DNER: variants seen among roughly 807,000 people sequenced by gnomAD.
DNER encodes delta/notch like EGF repeat containing.
A neutral mutation model predicts 78.2 loss-of-function variants in DNER; 33 were observed. The ratio of observed to expected loss-of-function variants is 0.42; its 90% CI spans 0.32 to 0.56. The LOEUF (loss-of-function observed/expected upper bound fraction) is 0.56. Among genes scored for constraint, DNER ranks in the 20% least tolerant of loss-of-function variants. The pLI is 0.11. For synonymous variants in DNER, 417 were observed against 384.8 expected (o/e 1.08, Z -0.98); for missense variants, 918 against 975.3 (o/e 0.94, Z 0.78).
intron 1 of DNER, among the ~76,000 whole-genome samples, chr2:229,618,548 C>T (rs1302727883): frequency 6.6e-6 from 1 of 152,182 alleles, no homozygotes; most frequent in South Asian, 2.1e-4. Flanking sequence ...GCATCAGCCT[C>T]GCAAAGCTGG....
chr2:229,549,912 A>AAATAAT (rs966717321), intron 4 of DNER, among the ~76,000 whole-genome samples: 1 of 151,770 alleles, frequency 6.6e-6, no homozygotes, highest in Non-Finnish European at 1.5e-5. Context: ...CTCTGTCTCA[A>AAATAAT]AATAATAATA....
chr2:229,606,563 T>G (rs1697942211), intron 1 of DNER, among the ~76,000 whole-genome samples: 1 of 152,136 alleles, frequency 6.6e-6, no homozygotes, highest in East Asian at 1.9e-4. Flanking sequence ...CAACATCTCC[T>G]TCATGTGGAC....
chr2:229,546,809 A>G (rs1356247865), intron 5 of DNER, 138 bp downstream of exon 5: 10 of 1,219,062 alleles, frequency 8.2e-6, no homozygotes, highest in Non-Finnish European at 1.0e-5. Context: ...AGATAGACAG[A>G]CAGACAGACA....
At chr2:229,479,174 C>T (rs1695101176) in intron 6 of DNER, among the ~76,000 whole-genome samples, 1 of 152,168 alleles carries the variant, frequency 6.6e-6, no homozygotes, top group South Asian at 2.1e-4. Flanking sequence ...CGTAGTATTC[C>T]ATGGAGAACC....
At chr2:229,393,025 A>G (rs2106338176) in intron 10 of DNER, among the ~76,000 whole-genome samples, 1 of 152,314 alleles carries the variant, frequency 6.6e-6, no homozygotes, top group Non-Finnish European at 1.5e-5. Flanking sequence ...TGTGTTCAAA[A>G]TGTGAAATAA....
At chr2:229,590,255 T>C (rs541425312) in intron 2 of DNER, among the ~76,000 whole-genome samples, 50 of 152,316 alleles carry the variant, frequency 3.3e-4, no homozygotes, top group Non-Finnish European at 4.7e-4. Flanking sequence ...AAAAGACTTT[T>C]GAAGAGCTTG....
chr2:229,504,499 C>T lies in DNER; in HGVS notation c.1147+8284G>A, dbSNP rs564794349. Among the ~76,000 whole-genome samples, 284 of 152,308 alleles carry T rather than the reference C, an allele frequency of 1.9e-3. 6 individuals carry two copies. Among genetic ancestry groups the T allele is most frequent in the Non-Finnish European group, 2.2e-4 (15 of 68,030 alleles). On this transcript the variant is annotated intron_variant, in intron 6 of 12. Transcript: ENST00000341772. Reference sequence around the variant, plus strand: ...CCTCCCAAAGTGCTAGGATTACAGGCATGAGCCACCATGCCCGGCCCTGTA... The same window carrying T: ...CCTCCCAAAGTGCTAGGATTACAGGTATGAGCCACCATGCCCGGCCCTGTA...
chr2:229,656,598 CG>C (rs1698916117), intron 1 of DNER, among the ~76,000 whole-genome samples: 1 of 152,088 alleles, frequency 6.6e-6, no homozygotes, highest in Admixed American at 6.6e-5. Context: ...CTGTTATTCT[CG>C]GTACATTTCT....
chr2:229,378,911 G>A (rs191347101), intron 11 of DNER, among the ~76,000 whole-genome samples: 26 of 152,236 alleles, frequency 1.7e-4, no homozygotes, highest in Non-Finnish European at 2.6e-4. Context: ...TGTGTCATCC[G>A]CAAACCTCAT....
At chr2:229,376,536 A>C (rs1312134364) in intron 11 of DNER, among the ~76,000 whole-genome samples, 2 of 152,180 alleles carry the variant, frequency 1.3e-5, no homozygotes, top group African/African-American at 4.8e-5. Context: ...AAACCCCTCA[A>C]ATGTATTATC....
chr2:229,524,032 T>G (rs2154212645), intron 5 of DNER, among the ~76,000 whole-genome samples: 1 of 152,366 alleles, frequency 6.6e-6, no homozygotes, highest in South Asian at 2.1e-4. Context: ...CTGAGGTGGC[T>G]GTTATTGTTA....
At position 229,693,175 on chromosome 2, in the gene DNER, T is replaced by A. The variant is rs1699609606; in HGVS notation, c.276+20973A>T. Among the ~76,000 whole-genome samples the A allele has an allele frequency of 2.0e-5, 3 of 151,820 alleles. No homozygotes were observed. In the South Asian group the frequency reaches 6.2e-4, roughly 31 times the overall value. On this transcript the variant is annotated intron_variant, in intron 1 of 12. Transcript: ENST00000341772. ...TGATAGTGAGTGACTTCTCACAAGA[T>A]CTGATGGTTTTATACGGGACTTTTC...
At chr2:229,441,179 C>T (rs1239524465) in intron 8 of DNER, among the ~76,000 whole-genome samples, 2 of 151,984 alleles carry the variant, frequency 1.3e-5, no homozygotes, top group Non-Finnish European at 2.9e-5. Context: ...CCCCCATGAC[C>T]CAGGACTTCC....
chr2:229,604,904 C>G (rs531595103), intron 1 of DNER, among the ~76,000 whole-genome samples: 2 of 152,134 alleles, frequency 1.3e-5, no homozygotes, highest in East Asian at 1.9e-4. Context: ...AGCAAAAGAG[C>G]AGGTGGCCCT....
At chr2:229,455,510 A>C (rs1336059334) in intron 7 of DNER, among the ~76,000 whole-genome samples, 4 of 152,060 alleles carry the variant, frequency 2.6e-5, no homozygotes, top group Admixed American at 2.6e-4. Flanking sequence ...CCATTTTCAC[A>C]TTTGTATGAA....
chr2:229,512,441 T>C (rs192461798), intron 6 of DNER, among the ~76,000 whole-genome samples: 1 of 151,678 alleles, frequency 6.6e-6, no homozygotes, highest in African/African-American at 2.4e-5. Flanking sequence ...CAGGATACTA[T>C]CACTCTAAGT....
intron 9 of DNER, among the ~76,000 whole-genome samples, chr2:229,409,104 T>A (rs1693452177): frequency 6.6e-6 from 1 of 152,226 alleles, no homozygotes; most frequent in African/African-American, 2.4e-5. Flanking sequence ...AGCATAAATC[T>A]GGTCATTCTT....
chr2:229,666,585 C>T (rs531446964), intron 1 of DNER, among the ~76,000 whole-genome samples: 1 of 152,268 alleles, frequency 6.6e-6, no homozygotes, highest in South Asian at 2.1e-4. Flanking sequence ...CGTAGAGATT[C>T]AATTTCCTCA....
At chr2:229,573,909 A>G (rs910467378) in intron 4 of DNER, among the ~76,000 whole-genome samples, 6 of 152,236 alleles carry the variant, frequency 3.9e-5, no homozygotes, top group Admixed American at 3.9e-4. Flanking sequence ...TCCAATGTAT[A>G]AATGCAATAT....
Sources: gnomAD v4.1 joint callset for allele counts (sites outside exome capture counted in the v4.1 genomes callset) on GRCh38, gnomAD v4.1.1 for gene constraint, MANE v1.5 for transcripts, NCBI Gene and HGNC (gene_info 2026-07-23, HGNC 2026-07-21) for gene names.